The following TAFA1 variants were observed in gnomAD, a reference collection of about 807,000 sequenced individuals.
The protein encoded by TAFA1 is TAFA chemokine like family member 1.
A neutral mutation model predicts 18.5 loss-of-function variants in TAFA1; 4 were observed. The observed-to-expected ratio is 0.22, with a 90% CI of 0.11 to 0.49. The LOEUF is 0.49. Ranked by LOEUF, TAFA1 falls within the 20% of genes least tolerant of loss-of-function variation. The pLI is 0.98. For missense variants in TAFA1, 147 were observed against 169.0 expected, an observed-to-expected ratio of 0.87 and a Z score of 0.72; for synonymous variants, 56 against 55.2, an observed-to-expected ratio of 1.01 and a Z score of -0.06.
At chr3:68,102,329 CT>C (rs1199745798) in intron 2 of TAFA1, among the ~76,000 whole-genome samples, 6 of 152,134 alleles carry the variant, frequency 3.9e-5, no homozygotes, top group Non-Finnish European at 8.8e-5. Context: ...TAAAAGGCTA[CT>C]TTTTTACTAC....
intron 2 of TAFA1, among the ~76,000 whole-genome samples, chr3:68,415,250 TACCACACC>T (rs1323975691): frequency 2.6e-5 from 4 of 152,324 alleles, no homozygotes; most frequent in Admixed American, 6.5e-5. Flanking sequence ...GAAATACCTG[TACCACACC>T]AGTCCTTTGT....
intron 2 of TAFA1, among the ~76,000 whole-genome samples, chr3:68,096,713 A>G (rs1217500454): frequency 1.3e-5 from 2 of 152,168 alleles, no homozygotes; most frequent in Non-Finnish European, 2.9e-5. Context: ...CACCTATTAT[A>G]GAGGCATGTT....
chr3:68,427,987 T>G (rs1242525632), intron 3 of TAFA1, among the ~76,000 whole-genome samples: 3 of 151,984 alleles, frequency 2.0e-5, no homozygotes, highest in African/African-American at 7.2e-5. Context: ...ATGAGTCCAT[T>G]ATACCTCTTT....
intron 2 of TAFA1, among the ~76,000 whole-genome samples, chr3:68,017,233 C>G (rs1454574697): frequency 6.6e-6 from 1 of 152,192 alleles, no homozygotes; most frequent in Non-Finnish European, 1.5e-5. Context: ...CTTTTTACAT[C>G]TCTTTATCTG....
At chr3:68,155,143 C>G (rs2065851910) in intron 2 of TAFA1, among the ~76,000 whole-genome samples, 2 of 152,246 alleles carry the variant, frequency 1.3e-5, no homozygotes, top group South Asian at 4.1e-4. Context: ...AGTTGTATTA[C>G]TCATCTCTGG....
At chr3:68,160,363 T>C (rs1315909507) in intron 2 of TAFA1, among the ~76,000 whole-genome samples, 1 of 152,252 alleles carries the variant, frequency 6.6e-6, no homozygotes, top group African/African-American at 2.4e-5. Flanking sequence ...GACGTGGCTG[T>C]GTTTCAATAA....
intron 2 of TAFA1, among the ~76,000 whole-genome samples, chr3:68,389,349 A>T (rs181065623): frequency 4.9e-4 from 75 of 152,242 alleles, no homozygotes; most frequent in African/African-American, 1.8e-3. Flanking sequence ...AAAATATTGT[A>T]TTCATTTCTT....
chr3:68,043,859 T>C (rs1705216088), intron 2 of TAFA1, among the ~76,000 whole-genome samples: 1 of 152,202 alleles, frequency 6.6e-6, no homozygotes, highest in Admixed American at 6.5e-5. Flanking sequence ...TTATTTTTTA[T>C]TATACCTTAA....
intron 2 of TAFA1, among the ~76,000 whole-genome samples, chr3:68,112,476 C>A (rs951605097): frequency 2.0e-5 from 3 of 151,984 alleles, no homozygotes; most frequent in Non-Finnish European, 2.9e-5. Context: ...AAGATAATTT[C>A]TTTAATCTAA....
At chr3:68,227,102 T>G (rs2066810534) in intron 2 of TAFA1, among the ~76,000 whole-genome samples, 1 of 152,138 alleles carries the variant, frequency 6.6e-6, no homozygotes, top group Non-Finnish European at 1.5e-5. Flanking sequence ...AGTCAAGCAG[T>G]CATTGTTACT....
intron 3 of TAFA1, among the ~76,000 whole-genome samples, chr3:68,483,414 T>C (rs9990195): frequency 0.44 from 67,175 of 152,070 alleles, 15,294 homozygotes; most frequent in Middle Eastern, 0.49. Flanking sequence ...TTTACATCTT[T>C]TTCATTAATC....
chr3:68,173,938 C>A (rs2066091438), intron 2 of TAFA1, among the ~76,000 whole-genome samples: 1 of 152,016 alleles, frequency 6.6e-6, no homozygotes, highest in Non-Finnish European at 1.5e-5. Flanking sequence ...CAAGAAAATG[C>A]ATATTTTGGG....
chr3:68,453,049 T>A (rs1034585396), intron 3 of TAFA1, among the ~76,000 whole-genome samples: 2 of 152,198 alleles, frequency 1.3e-5, no homozygotes, highest in Non-Finnish European at 2.9e-5. Context: ...GCTTTTTTCC[T>A]TGCTGCTATA....
At chr3:68,082,339 C>A (rs898398150) in intron 2 of TAFA1, among the ~76,000 whole-genome samples, 5 of 152,192 alleles carry the variant, frequency 3.3e-5, no homozygotes, top group South Asian at 4.1e-4. Flanking sequence ...GCTCCTCCCC[C>A]CTGTTCCTAC....
chr3:68,002,668 A>AT (rs199640589), upstream of TAFA1, among the ~76,000 whole-genome samples: 5 of 152,212 alleles, frequency 3.3e-5, no homozygotes, highest in African/African-American at 9.6e-5. Context: ...TATAATAGTT[A>AT]TTTTTTTGGA....
chr3:68,240,093 G>C (rs192506962), intron 2 of TAFA1, among the ~76,000 whole-genome samples: 1 of 152,254 alleles, frequency 6.6e-6, no homozygotes, highest in Admixed American at 6.5e-5. Flanking sequence ...CCAGTCTTTT[G>C]ACTGCCAATC....
intron 2 of TAFA1, among the ~76,000 whole-genome samples, chr3:68,219,731 A>G (rs1216091051): frequency 3.9e-5 from 6 of 152,166 alleles, no homozygotes; most frequent in African/African-American, 1.2e-4. Context: ...ACTGATTAGT[A>G]ACCTAATCAA....
At chr3:68,028,557 G>T (rs544068603) in intron 2 of TAFA1, among the ~76,000 whole-genome samples, 1 of 151,944 alleles carries the variant, frequency 6.6e-6, no homozygotes, top group African/African-American at 2.4e-5. Flanking sequence ...TGAAATCAAG[G>T]TGTCAGCAGG....
intron 2 of TAFA1, among the ~76,000 whole-genome samples, chr3:68,095,614 A>T (rs1433146600): frequency 1.3e-5 from 2 of 152,148 alleles, no homozygotes; most frequent in African/African-American, 4.8e-5. Flanking sequence ...TATTTGTAAG[A>T]CATGGTCCTC....
Sources: allele counts gnomAD v4.1 joint callset (sites outside exome capture counted in the v4.1 genomes callset), GRCh38; gene constraint gnomAD v4.1.1; transcripts MANE v1.5; gene names NCBI Gene and HGNC (gene_info 2026-07-23, HGNC 2026-07-21).